Variants in SIK2 observed in about 807,000 individuals in gnomAD.
SIK2 encodes the protein salt inducible kinase 2, also known as serine/threonine-protein kinase SIK2.
SIK2 carries 29 observed loss-of-function variants against 103.2 expected under a neutral mutation model. The ratio of observed to expected loss-of-function variants is 0.28; its 90% confidence interval spans 0.21 to 0.38. The LOEUF (loss-of-function observed/expected upper bound fraction) is 0.38, where lower values mean the gene tolerates loss of function less well. Among genes scored for constraint, SIK2 ranks in the 10% least tolerant of loss-of-function variants. The probability of loss-of-function intolerance (pLI) is 1.00; values close to 1 mark genes in which losing one functional copy is unlikely to be tolerated. For synonymous variants in SIK2, 412 were observed against 446.1 expected, an observed-to-expected ratio of 0.92 and a Z score of 0.96; for missense variants, 879 against 1,171.0, an observed-to-expected ratio of 0.75 and a Z score of 3.64.
rs144830750 is a variant in SIK2, at chr11:111,698,523, C to T, written c.479-2363C>T. Among the ~76,000 whole-genome samples, 1,278 of 152,280 alleles carry T rather than the reference C, an allele frequency of 8.4e-3. 22 individuals carry two copies. Among genetic ancestry groups the T allele is most frequent in the African/African-American group, 0.029 (1,191 of 41,558 alleles). Reference sequence around the variant, plus strand: ...TTGGGAGGCCACAGCGGGTGGATTGCGTCAGCCCAGGAGTTGGAGACCAGC... The same window carrying T: ...TTGGGAGGCCACAGCGGGTGGATTGTGTCAGCCCAGGAGTTGGAGACCAGC... On this transcript the variant is annotated intron_variant, in intron 4 of 14. Transcript: ENST00000304987.
At chr11:111,672,258 C>T (rs974385215) in intron 3 of SIK2, 11 of 360,978 alleles carry the variant, frequency 3.0e-5, no homozygotes, top group African/African-American at 1.9e-4. Context: ...GCACTTAGGC[C>T]ACCCAGGAAG....
intron 8 of SIK2, among the ~76,000 whole-genome samples, chr11:111,709,001 C>T (rs1416786760): frequency 6.6e-6 from 1 of 152,212 alleles, no homozygotes; most frequent in African/African-American, 2.4e-5. Context: ...TCTTTAATTA[C>T]TGTTTAGAGG....
chr11:111,635,980 G>A (rs1448800952), intron 3 of SIK2, among the ~76,000 whole-genome samples: 1 of 152,174 alleles, frequency 6.6e-6, no homozygotes. Flanking sequence ...TGTTTCATTT[G>A]TTCCCTAGTT....
intron 4 of SIK2, among the ~76,000 whole-genome samples, chr11:111,690,569 C>T (rs1444208566): frequency 6.6e-6 from 1 of 152,046 alleles, no homozygotes. Flanking sequence ...GTTTTAAGCC[C>T]TGCATGGATT....
At chr11:111,612,915 GATATATATATATAT>G (rs67675103) in intron 1 of SIK2, among the ~76,000 whole-genome samples, 36 of 50,004 alleles carry the variant, frequency 7.2e-4, no homozygotes, top group Middle Eastern at 0.01. Context: ...ATAGCAATGG[GATATATATATATAT>G]ATATATATAT....
chr11:111,607,266 T>G (rs1941661048), intron 1 of SIK2, among the ~76,000 whole-genome samples: 1 of 152,208 alleles, frequency 6.6e-6, no homozygotes, highest in African/African-American at 2.4e-5. Flanking sequence ...AAACTGTATT[T>G]GTTTGCTAAA....
intron 1 of SIK2, among the ~76,000 whole-genome samples, chr11:111,605,655 A>C (rs77479009): frequency 1.3e-5 from 2 of 152,214 alleles, no homozygotes; most frequent in Non-Finnish European, 1.5e-5. Flanking sequence ...CATCTATGTA[A>C]TGAGCAATTA....
At chr11:111,694,685 G>A (rs540518551) in intron 4 of SIK2, among the ~76,000 whole-genome samples, 2 of 152,238 alleles carry the variant, frequency 1.3e-5, no homozygotes, top group African/African-American at 4.8e-5. Flanking sequence ...TACGTAAAAA[G>A]TAAAAAGAGC....
At chr11:111,624,994 C>T (rs1941942827) in intron 3 of SIK2, among the ~76,000 whole-genome samples, 2 of 151,814 alleles carry the variant, frequency 1.3e-5, no homozygotes, top group South Asian at 2.1e-4. Context: ...TTGGTGTGTC[C>T]AAGGGGTAAC....
chr11:111,602,696 G>A lies in SIK2; in HGVS notation c.133G>A (p.Glu45Lys). Reference protein sequence around the residue: ...KLGRHRITKTEVAIKIIDKSQ... With the variant: ...KLGRHRITKTKVAIKIIDKSQ... ...GGGGCGGCACCGGATCACCAAGACGGAGGTGCGGCCCGGGGCTCGGCGGGA... is the reference window on the plus strand; with the variant it reads ...GGGGCGGCACCGGATCACCAAGACGAAGGTGCGGCCCGGGGCTCGGCGGGA... Residue 45 changes from glutamate to lysine, a missense_variant and splice_region_variant, in exon 1 of 15, where the codon GAG becomes AAG. Coordinates refer to ENST00000304987, the MANE Select transcript of SIK2 (RefSeq NM_015191.3). The surrounding 1 kb of genome is among the most constrained non-coding windows in gnomAD (Gnocchi z 4.5). 1.3e-6 allele frequency: 2 copies of A among 1,517,118 alleles called. No individual in the cohort carries two copies. The highest frequency in any genetic ancestry group is 2.7e-5 in the East Asian group (1 of 36,576). 94.0% of individuals were successfully genotyped at this position (1,517,118 alleles called of 1,614,324 possible).
chr11:111,712,114 AATTG>A, intron 8 of SIK2, 93 bp from the exon 9 acceptor site: 1 of 1,230,518 alleles, frequency 8.1e-7, no homozygotes, highest in South Asian at 1.4e-5. Flanking sequence ...TTCATTCTTT[AATTG>A]CCACAGGAAG....
chr11:111,634,540 T>G (rs570482879), intron 3 of SIK2, among the ~76,000 whole-genome samples: 97 of 152,210 alleles, frequency 6.4e-4, no homozygotes, highest in Non-Finnish European at 1.1e-3. Flanking sequence ...CTATCATGGC[T>G]TTAATTCAGA....
chr11:111,659,361 C>A (rs866070058), intron 3 of SIK2, among the ~76,000 whole-genome samples: 3 of 152,270 alleles, frequency 2.0e-5, no homozygotes, highest in Middle Eastern at 3.4e-3. Context: ...GGAGAACACA[C>A]ACGCAACCCA....
intron 9 of SIK2, among the ~76,000 whole-genome samples, chr11:111,715,318 C>T (rs1012316997): frequency 6.6e-6 from 1 of 152,214 alleles, no homozygotes; most frequent in Non-Finnish European, 1.5e-5. Flanking sequence ...CACACACACA[C>T]ACAGAAAAAC....
chr11:111,674,837 C>G (rs1206968567), intron 3 of SIK2, among the ~76,000 whole-genome samples: 1 of 152,106 alleles, frequency 6.6e-6, no homozygotes, highest in Non-Finnish European at 1.5e-5. Flanking sequence ...ACCTCCACCT[C>G]CCAGGTTCAA....
intron 1 of SIK2, among the ~76,000 whole-genome samples, chr11:111,611,646 T>C (rs1333532586): frequency 6.6e-6 from 1 of 152,218 alleles, no homozygotes; most frequent in African/African-American, 2.4e-5. Flanking sequence ...CTTTATTCAG[T>C]CCTTTAGTAG....
Position 111,727,045 on chromosome 11 carries a change from G to A in SIK2, c.*2916G>A, listed in dbSNP as rs768063551. ...GTGTCTCTAGTATCTCCACGCAACT[G>A]ATACACTGGTCCCTGTAAGGCAAAC... On this transcript the variant is annotated 3_prime_UTR_variant, in exon 15 of 15. Coordinates refer to ENST00000304987, the MANE Select transcript of SIK2 (RefSeq NM_015191.3). 51 of 1,613,914 alleles carry A rather than the reference G, an allele frequency of 3.2e-5. No homozygotes were observed. The South Asian group carries it at 5.4e-4, about 17-fold the overall frequency.
chr11:111,705,190 G>A lies in SIK2; in HGVS notation c.1101+51G>A, dbSNP rs1487295744. The A allele has an allele frequency of 6.8e-7, 1 of 1,465,104 alleles. No individual in the cohort carries two copies. The allele number at this position is 1,465,104 out of a possible 1,614,324, so 90.8% of individuals were successfully genotyped here. ...TATCTGTGCATGTGCCTGTTCACAT[G>A]TTTGATACATTTTTCATCTTATACA... On this transcript the variant is annotated intron_variant, in intron 8 of 14. Transcript: ENST00000304987. The surrounding 1 kb of genome is among the most constrained non-coding windows in gnomAD (Gnocchi z 4.3).
At chr11:111,659,489 T>TC (rs1355754039) in intron 3 of SIK2, among the ~76,000 whole-genome samples, 3 of 152,234 alleles carry the variant, frequency 2.0e-5, no homozygotes, top group Non-Finnish European at 2.9e-5. Flanking sequence ...ATACCTTTTT[T>TC]CTTAAAAGAG....
Sources: allele counts gnomAD v4.1 joint callset (sites outside exome capture counted in the v4.1 genomes callset), GRCh38; gene constraint gnomAD v4.1.1; non-coding constraint Gnocchi (gnomAD v3.1); transcripts MANE v1.5; gene names NCBI Gene and HGNC (gene_info 2026-07-23, HGNC 2026-07-21).